SMOC1: variants seen among roughly 807,000 people sequenced by gnomAD.
SMOC1 encodes the protein SPARC related modular calcium binding 1.
Under a neutral mutation model 56.3 loss-of-function variants are expected in SMOC1, and 22 were observed. That is an observed-to-expected ratio of 0.39 (90% confidence interval 0.28 to 0.56). The LOEUF (loss-of-function observed/expected upper bound fraction) is 0.56, where lower values mean the gene tolerates loss of function less well. Among genes scored for constraint, SMOC1 ranks in the 20% least tolerant of loss-of-function variants. SMOC1 has a pLI of 0.61. For missense variants in SMOC1, 509 were observed against 565.4 expected, an observed-to-expected ratio of 0.90 and a Z score of 1.01; for synonymous variants, 193 against 215.0, an observed-to-expected ratio of 0.90 and a Z score of 0.89.
At chr14:69,944,173 C>T (rs1339311261) in intron 1 of SMOC1, among the ~76,000 whole-genome samples, 1 of 152,176 alleles carries the variant, frequency 6.6e-6, no homozygotes, top group Non-Finnish European at 1.5e-5. Context: ...GGGGCATGGA[C>T]AAGCAATGTA....
At chr14:69,960,734 A>G (rs1348121256) in intron 3 of SMOC1, among the ~76,000 whole-genome samples, 1 of 152,228 alleles carries the variant, frequency 6.6e-6, no homozygotes, top group African/African-American at 2.4e-5. Flanking sequence ...GATAATTTAT[A>G]CAAAATGTCT....
intron 6 of SMOC1, among the ~76,000 whole-genome samples, chr14:69,993,023 A>G (rs370632349): frequency 6.6e-6 from 1 of 152,336 alleles, no homozygotes; most frequent in East Asian, 1.9e-4. Context: ...TTTTGTGAAG[A>G]GCCAGGACTT....
chr14:69,925,520 A>G (rs1417893909), intron 1 of SMOC1, among the ~76,000 whole-genome samples: 2 of 152,116 alleles, frequency 1.3e-5, no homozygotes, highest in Non-Finnish European at 2.9e-5. Flanking sequence ...TTTTCTTCAG[A>G]GCACAGATTA....
At chr14:69,995,011 C>T (rs541003065) in intron 7 of SMOC1, among the ~76,000 whole-genome samples, 1 of 152,044 alleles carries the variant, frequency 6.6e-6, no homozygotes, top group Non-Finnish European at 1.5e-5. Context: ...ACAATAAAGA[C>T]CAGAGTCAGT....
At chr14:69,922,944 TTTTTTG>T in intron 1 of SMOC1, among the ~76,000 whole-genome samples, 2 of 150,760 alleles carry the variant, frequency 1.3e-5, no homozygotes, top group Non-Finnish European at 2.9e-5. Flanking sequence ...TTTTTTTGTT[TTTTTTG>T]TTTTTTGTTT....
intron 5 of SMOC1, among the ~76,000 whole-genome samples, chr14:69,981,088 G>T (rs775062474): frequency 6.6e-6 from 1 of 152,132 alleles, no homozygotes; most frequent in Admixed American, 6.5e-5. Flanking sequence ...GAGGCTGGGG[G>T]AGGAGGCCCA....
chr14:69,879,830 C>A, intron 1 of SMOC1, 53 bp downstream of exon 1: 2 of 1,446,712 alleles, frequency 1.4e-6, no homozygotes, highest in African/African-American at 1.4e-5. Context: ...GAGGTTGCTT[C>A]CCCCCTCATC....
At chr14:69,936,889 G>C (rs1426686969) in intron 1 of SMOC1, among the ~76,000 whole-genome samples, 1 of 152,112 alleles carries the variant, frequency 6.6e-6, no homozygotes, top group Non-Finnish European at 1.5e-5. Flanking sequence ...TTTCTGTCTG[G>C]AGTGGGAGGA....
chr14:69,975,809 G>A lies in SMOC1; in HGVS notation c.473G>A (p.Cys158Tyr). The A allele has an allele frequency of 6.2e-7, 1 of 1,610,596 alleles. No homozygotes were observed. The highest frequency in any genetic ancestry group is 1.3e-5 in the African/African-American group (1 of 74,958). The part of the protein sequence containing the change: ...GSSVQNKTPV[C>Y]SGSVTDKPLS... ...TCTGTGCAGAATAAAACTCCTGTATGTTCAGGTACCGTAGGGAGGGGCGGG... is the reference window on the plus strand; with the variant it reads ...TCTGTGCAGAATAAAACTCCTGTATATTCAGGTACCGTAGGGAGGGGCGGG... The change falls in exon 4 of 12, where the codon TGT becomes TAT. Residue 158 changes from cysteine (C) to tyrosine (Y), a missense_variant. By Grantham distance (194) the Cys-to-Tyr change is radical. This residue lies in a region of SMOC1 where 315 missense variants were observed against 333.1 expected (regional missense o/e 0.95). Transcript: ENST00000361956.
intron 1 of SMOC1, among the ~76,000 whole-genome samples, chr14:69,908,681 G>A (rs1158583847): frequency 1.3e-5 from 2 of 152,156 alleles, no homozygotes; most frequent in Non-Finnish European, 2.9e-5. Flanking sequence ...TGTGGGTGCC[G>A]TGCTGGCCTT....
chr14:69,897,011 C>T (rs1395730179), intron 1 of SMOC1, among the ~76,000 whole-genome samples: 1 of 152,182 alleles, frequency 6.6e-6, no homozygotes, highest in Non-Finnish European at 1.5e-5. Flanking sequence ...GTGGAAGGTC[C>T]TGCTGATTGA....
At chr14:69,939,431 T>G (rs563098397) in intron 1 of SMOC1, among the ~76,000 whole-genome samples, 16 of 152,292 alleles carry the variant, frequency 1.1e-4, no homozygotes, top group African/African-American at 3.1e-4. Flanking sequence ...CTACCACATG[T>G]GGGGATTATG....
rs1384125443 is a variant in SMOC1, at chr14:69,932,638, G to A, written c.100-19500G>A. Among the ~76,000 whole-genome samples the A allele has an allele frequency of 3.3e-5, 5 of 152,318 alleles. No individual in the cohort carries two copies. The East Asian group carries it at 9.6e-4, about 29-fold the overall frequency. On this transcript the variant is annotated intron_variant, in intron 1 of 11. Transcript: ENST00000361956. The stretch of plus-strand genomic sequence containing the variant: ...AGTCTTTGTTCTGATATCACAGCCG[G>A]CCTCTGCTCTATTCATTCAAAGGCG...
intron 5 of SMOC1, among the ~76,000 whole-genome samples, chr14:69,986,703 C>T (rs1038845041): frequency 6.6e-6 from 1 of 152,208 alleles, no homozygotes; most frequent in South Asian, 2.1e-4. Flanking sequence ...CTTCCTCTTC[C>T]TCTTCTGTCC....
At chr14:69,911,248 G>A (rs1884548930) in intron 1 of SMOC1, among the ~76,000 whole-genome samples, 1 of 152,192 alleles carries the variant, frequency 6.6e-6, no homozygotes, top group Non-Finnish European at 1.5e-5. Context: ...GTGCCTGGGG[G>A]TAAAGGCTGG....
chr14:69,959,061 G>A (rs1461139731), intron 3 of SMOC1, among the ~76,000 whole-genome samples: 1 of 152,118 alleles, frequency 6.6e-6, no homozygotes, highest in Non-Finnish European at 1.5e-5. Context: ...AATAGCAACA[G>A]TTAAGTCTAA....
chr14:70,027,115 T>TCATACA (rs1885955655), intron 11 of SMOC1, among the ~76,000 whole-genome samples: 1 of 152,190 alleles, frequency 6.6e-6, no homozygotes, highest in South Asian at 2.1e-4. Context: ...GACACACTGC[T>TCATACA]CTGGACCCAA....
intron 3 of SMOC1, among the ~76,000 whole-genome samples, chr14:69,965,787 C>T (rs1179397798): frequency 6.6e-6 from 1 of 152,192 alleles, no homozygotes; most frequent in Non-Finnish European, 1.5e-5. Context: ...GGTGGCTAGG[C>T]ACACAGTAGG....
intron 1 of SMOC1, among the ~76,000 whole-genome samples, chr14:69,888,923 C>T (rs981857500): frequency 6.6e-6 from 1 of 152,192 alleles, no homozygotes; most frequent in Non-Finnish European, 1.5e-5. Flanking sequence ...TTCACTTCCT[C>T]CTTCCAAAGT....
Sources: gnomAD v4.1 joint callset for allele counts (sites outside exome capture counted in the v4.1 genomes callset) on GRCh38, gnomAD v4.1.1 for gene constraint, gnomAD v4.1.1 regional missense constraint, MANE v1.5 for transcripts, NCBI Gene and HGNC (gene_info 2026-07-23, HGNC 2026-07-21) for gene names.